Variants in TRAP1 observed in about 807,000 individuals in gnomAD.
TRAP1 encodes TNF receptor associated protein 1.
In TRAP1, 102 loss-of-function variants were observed where a neutral mutation model predicts 89.1. That is an observed-to-expected ratio of 1.15 (90% CI 0.98 to 1.35). The LOEUF (loss-of-function observed/expected upper bound fraction) is 1.35. Ranked by LOEUF, TRAP1 falls within the 40% of genes most tolerant of loss-of-function variation. The pLI, the probability that TRAP1 is intolerant of heterozygous loss-of-function variation, is 0.00. For synonymous variants in TRAP1, 508 were observed against 388.0 expected, an observed-to-expected ratio of 1.31 and a Z score of -3.64; for missense variants, 1,256 against 945.3, an observed-to-expected ratio of 1.33 and a Z score of -4.31.
At chr16:3,693,586 C>A (rs1490026824) in intron 1 of TRAP1, among the ~76,000 whole-genome samples, 1 of 152,158 alleles carries the variant, frequency 6.6e-6, no homozygotes, top group Non-Finnish European at 1.5e-5. Flanking sequence ...GTGTTTCTCA[C>A]CATTTGTGTA....
In TRAP1 at chr16:3,661,766, G is replaced by A. The variant is rs1430595811; in HGVS notation, c.1940+221C>T. 5.5e-5 allele frequency: 25 copies of A among 451,934 alleles called. 1 individual carries two copies. Among genetic ancestry groups the A allele is most frequent in the East Asian group, 5.0e-4 (14 of 28,260 alleles). 28.0% of individuals were successfully genotyped at this position (451,934 alleles called of 1,614,324 possible). A position where few individuals can be genotyped will look rare whatever the true frequency, so the allele number is the denominator to read the frequency against. On this transcript the variant is annotated intron_variant, in intron 16 of 17. Coordinates refer to ENST00000246957, the MANE Select transcript of TRAP1 (RefSeq NM_016292.3). ...AAACGAGGACATGGTCACAGGCTGG[G>A]ATGTGGCTAACCTCCCAGGTGACAC...
chr16:3,716,518 A>G (rs1368421981), intron 1 of TRAP1, among the ~76,000 whole-genome samples: 2 of 152,240 alleles, frequency 1.3e-5, no homozygotes, highest in Non-Finnish European at 2.9e-5. Flanking sequence ...TGGTCACTGG[A>G]AGGCACATGG....
intron 16 of TRAP1, chr16:3,659,075 G>A (rs936581293): frequency 1.8e-6 from 1 of 553,092 alleles, no homozygotes; most frequent in Non-Finnish European, 3.2e-6. Context: ...AGAAAATGCT[G>A]TAAGGTAGCC....
chr16:3,690,124 A>G (rs2051193317), intron 2 of TRAP1, among the ~76,000 whole-genome samples: 3 of 151,972 alleles, frequency 2.0e-5, no homozygotes, highest in African/African-American at 7.3e-5. Flanking sequence ...CTCCTGCCTC[A>G]GCCTCTCAAG....
intron 1 of TRAP1, among the ~76,000 whole-genome samples, chr16:3,706,843 A>C (rs2051454217): frequency 6.6e-6 from 1 of 152,048 alleles, no homozygotes. Flanking sequence ...ATTCATGTGT[A>C]GGCTGTTCTG....
chr16:3,691,123 C>A, intron 1 of TRAP1, 138 bp from the exon 2 acceptor site: 1 of 769,914 alleles, frequency 1.3e-6, no homozygotes, highest in Non-Finnish European at 1.9e-6. Context: ...GAGAAATCCA[C>A]AGGACCAAAT....
chr16:3,668,484 T>C (rs752185087), intron 11 of TRAP1, among the ~76,000 whole-genome samples: 53 of 152,226 alleles, frequency 3.5e-4, no homozygotes, highest in Non-Finnish European at 7.2e-4. Flanking sequence ...TCCTTGTTTG[T>C]TGGAAATGCA....
At chr16:3,659,855 TTC>T (rs2042969722) in intron 16 of TRAP1, 1 of 151,912 alleles carries the variant, frequency 6.6e-6, no homozygotes, top group Non-Finnish European at 1.5e-5. Context: ...TTTCAAGAGG[TTC>T]TCTTGCCTCA....
intron 1 of TRAP1, among the ~76,000 whole-genome samples, chr16:3,692,070 G>C (rs1046888825): frequency 6.6e-6 from 1 of 152,172 alleles, no homozygotes; most frequent in Non-Finnish European, 1.5e-5. Flanking sequence ...GCCTTGGTCA[G>C]TAGATTTGCA....
At chr16:3,688,113 C>T (rs901143385) in intron 3 of TRAP1, among the ~76,000 whole-genome samples, 2 of 152,078 alleles carry the variant, frequency 1.3e-5, no homozygotes, top group East Asian at 1.9e-4. Flanking sequence ...AGCATGTCAA[C>T]GATGGTGGCC....
rs112344675 is a variant in TRAP1, at chr16:3,709,167, C to T, written c.88+8254G>A. On this transcript the variant is annotated intron_variant, in intron 1 of 17. Transcript: ENST00000246957. ...TTTAAAAGGGCTAGCGCAGAGGTTACGGTGAGCCAAGATCACGCCACTGCA... is the reference window on the plus strand; with the variant it reads ...TTTAAAAGGGCTAGCGCAGAGGTTATGGTGAGCCAAGATCACGCCACTGCA... Among the ~76,000 whole-genome samples the T allele has an allele frequency of 1.3e-3, 185 of 141,172 alleles. 1 individual carries two copies. Among genetic ancestry groups the T allele is most frequent in the African/African-American group, 4.7e-3 (172 of 36,976 alleles). 92.6% of individuals were successfully genotyped at this position (141,172 alleles called of 152,430 possible).
chr16:3,674,345 G>C lies in TRAP1; in HGVS notation c.1038C>G (p.Pro346=), dbSNP rs146112190. Residue 346 remains proline, a synonymous_variant, in exon 9 of 18, where the codon CCC becomes CCG. Coordinates refer to ENST00000246957, the MANE Select transcript of TRAP1 (RefSeq NM_016292.3). ...PLNIRSIFYV[P]DMKPSMFDVS... The stretch of plus-strand genomic sequence containing the variant: ...GACTGCCACAGTGCCTCACCATGTC[G>C]GGCACGTAGAAGATGCTGCGGATGT... The C allele has an allele frequency of 1.2e-6, 2 of 1,613,860 alleles. No individual in the cohort carries two copies. The highest frequency in any genetic ancestry group is 2.2e-5 in the East Asian group (1 of 44,876).
chr16:3,679,797 A>G lies in TRAP1; in HGVS notation c.472-7T>C. On this transcript the variant is annotated splice_polypyrimidine_tract_variant and splice_region_variant and intron_variant, in intron 4 of 17. Coordinates refer to ENST00000246957, the MANE Select transcript of TRAP1 (RefSeq NM_016292.3). ...TCATCCCGATACCAGTATCCTGAGG[A>G]GAGAGACGCACTAAGTGCCAAGCCC... The G allele has an allele frequency of 6.2e-7, 1 of 1,613,926 alleles. No homozygotes were observed. The highest frequency in any genetic ancestry group is 8.5e-7 in the Non-Finnish European group (1 of 1,179,942).
At chr16:3,706,558 C>G (rs1407965078) in intron 1 of TRAP1, among the ~76,000 whole-genome samples, 1 of 149,064 alleles carries the variant, frequency 6.7e-6, no homozygotes, top group Non-Finnish European at 1.5e-5. Flanking sequence ...CTCCTGGGCT[C>G]GAGCAATTCT....
chr16:3,701,707 C>A (rs2051367903), intron 1 of TRAP1, among the ~76,000 whole-genome samples: 2 of 152,110 alleles, frequency 1.3e-5, no homozygotes, highest in Admixed American at 6.6e-5. Context: ...TAACAGAACA[C>A]AGAGAAGGGT....
chr16:3,692,666 T>G (rs1396670764), intron 1 of TRAP1, among the ~76,000 whole-genome samples: 1 of 140,678 alleles, frequency 7.1e-6, no homozygotes, highest in Non-Finnish European at 1.5e-5. Context: ...TGGTGCAATC[T>G]CGGCTCATTG....
In TRAP1 at chr16:3,658,644, G is replaced by A. The variant is rs986780750; in HGVS notation, c.2013+149C>T. 3.0e-4 allele frequency: 234 copies of A among 775,786 alleles called. 3 individuals carry two copies. The East Asian group carries it at 5.8e-3, about 19-fold the overall frequency. 48.1% of individuals were successfully genotyped at this position (775,786 alleles called of 1,614,324 possible). ...GCCAAGATCGCGCCACTGCACTCCAGCCTGGCAACAGAGCAACACTCCATC... is the reference window on the plus strand; with the variant it reads ...GCCAAGATCGCGCCACTGCACTCCAACCTGGCAACAGAGCAACACTCCATC... On this transcript the variant is annotated intron_variant, in intron 17 of 17. Coordinates refer to ENST00000246957, the MANE Select transcript of TRAP1 (RefSeq NM_016292.3).
rs750891018 is a variant in TRAP1, at chr16:3,679,779, G to A, written c.483C>T (p.Ile161=). The A allele has an allele frequency of 8.1e-6, 13 of 1,613,956 alleles. No individual in the cohort carries two copies. The highest frequency in any genetic ancestry group is 1.1e-5 in the South Asian group (1 of 91,092). Residue 161 remains isoleucine (I), a synonymous_variant, in exon 5 of 18, where the codon ATC becomes ATT. Transcript: ENST00000246957. ...ACACCAGCTCTTCCTGTGTCATCCC[G>A]ATACCAGTATCCTGAGGAGAGAGAC... ...KGTITIQDTG[I]GMTQEELVSN...
At position 3,662,005 on chromosome 16, in the gene TRAP1, G is replaced by C; in HGVS notation, c.1922C>G (p.Thr641Arg). 1 of 1,609,244 alleles carries C rather than the reference G, an allele frequency of 6.2e-7. No individual in the cohort carries two copies. The highest frequency in any genetic ancestry group is 8.5e-7 in the Non-Finnish European group (1 of 1,177,616). Residue 641 changes from threonine (T) to arginine (R), a missense_variant, in exon 16 of 18, where the codon ACG becomes AGG. Transcript: ENST00000246957. ...QEERAQLLQP[T>R]LEINPRHALI... ...GCCTCACCTGGGGTTGATCTCCAGC[G>C]TGGGCTGCAGGAGCTGTGCGCGCTC...
Sources: allele counts gnomAD v4.1 joint callset (sites outside exome capture counted in the v4.1 genomes callset), GRCh38; gene constraint gnomAD v4.1.1; transcripts MANE v1.5; gene names NCBI Gene and HGNC (gene_info 2026-07-23, HGNC 2026-07-21).